The following YPEL4 variants were observed in gnomAD, a reference collection of about 807,000 sequenced individuals.
The protein encoded by YPEL4 is yippee like 4, also known as protein yippee-like 4.
YPEL4 carries 5 observed loss-of-function variants against 16.3 expected under a neutral mutation model. The observed-to-expected ratio is 0.31, with a 90% CI of 0.16 to 0.64. YPEL4 has a LOEUF of 0.64. YPEL4 is among the 30% of genes least tolerant of loss of function. YPEL4 has a pLI of 0.79. For missense variants in YPEL4, 127 were observed against 170.0 expected, an observed-to-expected ratio of 0.75 and a Z score of 1.41; for synonymous variants, 61 against 60.7, an observed-to-expected ratio of 1.00 and a Z score of -0.02.
rs1436218526 is a variant in YPEL4, at chr11:57,649,734, ATC to A, written c.-236_-235del. ...CGTCTATCTCTCTCTCTCTCTCTCA[ATC>A]TCTCAATCTCTCTGCTCACTCTTCT... On this transcript the variant is annotated 5_prime_UTR_variant, in exon 1 of 5. Coordinates refer to ENST00000300022, the MANE Select transcript of YPEL4 (RefSeq NM_145008.3). 1.4e-5 allele frequency: 2 copies of A among 138,190 alleles called. No individual in the cohort carries two copies. The highest frequency in any genetic ancestry group is 3.1e-5 in the Non-Finnish European group (2 of 65,318). 8.6% of individuals were successfully genotyped at this position (138,190 alleles called of 1,614,324 possible). A position where few individuals can be genotyped will look rare whatever the true frequency, so the allele number is the denominator to read the frequency against.
At position 57,647,414 on chromosome 11, in the gene YPEL4, C is replaced by A. The variant is rs888869641; in HGVS notation, c.-184-123G>T. The stretch of plus-strand genomic sequence containing the variant: ...CTTTCCCCATCACCATCGACCCCCC[C>A]ACAGCATCCAGTTGCATTGTCGCCC... On this transcript the variant is annotated intron_variant, in intron 1 of 4. Transcript: ENST00000300022. The surrounding 1 kb of genome is among the most constrained non-coding windows in gnomAD (Gnocchi z 4.2). 3.9e-6 allele frequency: 1 copy of A among 259,244 alleles called. No homozygotes were observed. The highest frequency in any genetic ancestry group is 5.4e-5 in the Admixed American group (1 of 18,582). The allele number at this position is 259,244 out of a possible 1,614,324, so 16.1% of individuals were successfully genotyped here. A position where few individuals can be genotyped will look rare whatever the true frequency, so the allele number is the denominator to read the frequency against.
chr11:57,646,984 C>T lies in YPEL4; in HGVS notation c.124G>A (p.Asp42Asn), dbSNP rs1315879143. 3 of 1,581,906 alleles carry T rather than the reference C, an allele frequency of 1.9e-6. No homozygotes were observed. The highest frequency in any genetic ancestry group is 1.9e-5 in the Admixed American group (1 of 53,880). The change falls in exon 2 of 5, where the codon GAT becomes AAT. Residue 42 changes from aspartate (D) to asparagine (N), a missense_variant. Physicochemically the swap from Asp to Asn is conservative, Grantham distance 23 (BLOSUM62 1). Coordinates refer to ENST00000300022, the MANE Select transcript of YPEL4 (RefSeq NM_145008.3). ...TCGCGTACCTTGGAAATAAGCTCAT[C>T]GTGTTTGGCCAGGTGTGCACGGCAG... Reference protein sequence around the residue: ...VHCRAHLAKHDELISKSFQGS... With the variant: ...VHCRAHLAKHNELISKSFQGS...
In YPEL4 at chr11:57,647,173, G is replaced by C; in HGVS notation, c.-66C>G. On this transcript the variant is annotated 5_prime_UTR_variant, in exon 2 of 5. Coordinates refer to ENST00000300022, the MANE Select transcript of YPEL4 (RefSeq NM_145008.3). This position sits in a 1 kb window ranked among gnomAD's most constrained non-coding sequence, Gnocchi z 4.2. ...GGCGCCGTGCAGCCCCCGCAGAGACGGTCGCAGGTGAAGCAGCGGAGCAGG... is the reference window on the plus strand; with the variant it reads ...GGCGCCGTGCAGCCCCCGCAGAGACCGTCGCAGGTGAAGCAGCGGAGCAGG... 2 of 1,481,374 alleles carry C rather than the reference G, an allele frequency of 1.4e-6. No homozygotes were observed. The highest frequency in any genetic ancestry group is 1.8e-6 in the Non-Finnish European group (2 of 1,116,740). 91.8% of individuals were successfully genotyped at this position (1,481,374 alleles called of 1,614,324 possible). A position where few individuals can be genotyped will look rare whatever the true frequency, so the allele number is the denominator to read the frequency against.
Position 57,647,335 on chromosome 11 carries a change from A to T in YPEL4, c.-184-44T>A. On this transcript the variant is annotated intron_variant, in intron 1 of 4. Coordinates refer to ENST00000300022, the MANE Select transcript of YPEL4 (RefSeq NM_145008.3). This position sits in a 1 kb window ranked among gnomAD's most constrained non-coding sequence, Gnocchi z 4.2. ...ACATCAGGGGAGCTGCGACCTCAGG[A>T]GGACCCCTCCTGAGGGAATGGAGGA... is the stretch of plus-strand genomic sequence containing the variant. The T allele has an allele frequency of 2.0e-6, 1 of 506,262 alleles. No homozygotes were observed. Among genetic ancestry groups the T allele is most frequent in the South Asian group, 3.7e-5 (1 of 27,304 alleles). The allele number at this position is 506,262 out of a possible 1,614,324, so 31.4% of individuals were successfully genotyped here.
At chr11:57,646,509 C>T in intron 3 of YPEL4, 104 bp from the exon 4 acceptor site, 2 of 1,379,282 alleles carry the variant, frequency 1.5e-6, no homozygotes, top group Non-Finnish European at 2.0e-6. Flanking sequence ...ACTGGACAGC[C>T]CCTGCCTTTG....
In YPEL4 at chr11:57,645,980, C is replaced by T. The variant is rs368098702; in HGVS notation, c.*1G>A. The stretch of plus-strand genomic sequence containing the variant: ...GGAAGGGCACACCCTGCCTGAGCCC[C>T]TCAGTCCCAGCCGTTGTCCTTCACC... On this transcript the variant is annotated 3_prime_UTR_variant, in exon 5 of 5. Coordinates refer to ENST00000300022, the MANE Select transcript of YPEL4 (RefSeq NM_145008.3). 4 of 1,613,878 alleles carry T rather than the reference C, an allele frequency of 2.5e-6. No individual in the cohort carries two copies. The highest frequency in any genetic ancestry group is 2.7e-5 in the African/African-American group (2 of 74,930).
chr11:57,646,901 CTGGGT>C, intron 2 of YPEL4, 61 bp downstream of exon 2: 1 of 1,584,862 alleles, frequency 6.3e-7, no homozygotes, highest in South Asian at 1.1e-5. Context: ...TGCCTCACCC[CTGGGT>C]GATGTTCAGG....
At chr11:57,648,002 C>T (rs1238304070) in intron 1 of YPEL4, 6 of 152,190 alleles carry the variant, frequency 3.9e-5, no homozygotes, top group Non-Finnish European at 5.9e-5. Flanking sequence ...CCTGTGGGCC[C>T]CTTGGTCTTT....
chr11:57,647,042 C>T lies in YPEL4; in HGVS notation c.66G>A (p.Leu22=), dbSNP rs1484496221. The T allele has an allele frequency of 1.5e-5, 24 of 1,598,076 alleles. No individual in the cohort carries two copies. The highest frequency in any genetic ancestry group is 1.7e-5 in the Non-Finnish European group (20 of 1,173,702). Residue 22 remains leucine, a synonymous_variant, in exon 2 of 5, where the codon CTG becomes CTA. Coordinates refer to ENST00000300022, the MANE Select transcript of YPEL4 (RefSeq NM_145008.3). The surrounding 1 kb of genome is among the most constrained non-coding windows in gnomAD (Gnocchi z 4.2). The stretch of plus-strand genomic sequence containing the variant: ...AGCTGTAAGTGCGGTGACAGCGGGG[C>T]AGATAGCTGCGGAAAGTCTTGGTGG... ...CLPTKTFRSY[L]PRCHRTYSCV...
rs767553545 is a variant in YPEL4, at chr11:57,645,909, G to A, written c.*72C>T. On this transcript the variant is annotated 3_prime_UTR_variant, in exon 5 of 5. Coordinates refer to ENST00000300022, the MANE Select transcript of YPEL4 (RefSeq NM_145008.3). ...CCAGGGGTGGGGCAGTACTCATGCT[G>A]GTATAGACTGCTTGGCAGGGCCGTG... 2.7e-6 allele frequency: 4 copies of A among 1,507,774 alleles called. No individual in the cohort carries two copies. In the South Asian group the frequency reaches 4.6e-5, roughly 17 times the overall value. 93.4% of individuals were successfully genotyped at this position (1,507,774 alleles called of 1,614,324 possible).
chr11:57,646,434 AC>A, intron 3 of YPEL4, 29 bp from the exon 4 acceptor site: 1 of 1,613,058 alleles, frequency 6.2e-7, no homozygotes, highest in Non-Finnish European at 8.5e-7. Context: ...AGGACCCAGC[AC>A]CCAGTGGGGT....
At position 57,645,737 on chromosome 11, in the gene YPEL4, C is replaced by T; in HGVS notation, c.*244G>A. The stretch of plus-strand genomic sequence containing the variant: ...TGGGAACAGAAAGACCCACAACCAT[C>T]CCTTTCCCCCAGTTCTGTCTCTCCC... On this transcript the variant is annotated 3_prime_UTR_variant, in exon 5 of 5. Coordinates refer to ENST00000300022, the MANE Select transcript of YPEL4 (RefSeq NM_145008.3). 2 of 523,466 alleles carry T rather than the reference C, an allele frequency of 3.8e-6. No individual in the cohort carries two copies. The highest frequency in any genetic ancestry group is 6.8e-6 in the Non-Finnish European group (2 of 294,256). 32.4% of individuals were successfully genotyped at this position (523,466 alleles called of 1,614,324 possible).
chr11:57,646,105 G>A, intron 4 of YPEL4, 35 bp from the exon 5 acceptor site: 7 of 1,612,668 alleles, frequency 4.3e-6, no homozygotes, highest in African/African-American at 1.3e-5. Context: ...GTAGGACAAA[G>A]CAGTTTCCTT....
chr11:57,645,702 T>C lies in YPEL4; in HGVS notation c.*279A>G. 1 of 454,296 alleles carries C rather than the reference T, an allele frequency of 2.2e-6. No homozygotes were observed. The highest frequency in any genetic ancestry group is 4.0e-6 in the Non-Finnish European group (1 of 252,844). 28.1% of individuals were successfully genotyped at this position (454,296 alleles called of 1,614,324 possible). A position where few individuals can be genotyped will look rare whatever the true frequency, so the allele number is the denominator to read the frequency against. On this transcript the variant is annotated 3_prime_UTR_variant, in exon 5 of 5. Coordinates refer to ENST00000300022, the MANE Select transcript of YPEL4 (RefSeq NM_145008.3). Reference sequence around the variant, plus strand: ...TCTATGCCCTGCCATCGCTTCCATGTTCAGGATCTTGGGAACAGAAAGACC... The same window carrying C: ...TCTATGCCCTGCCATCGCTTCCATGCTCAGGATCTTGGGAACAGAAAGACC...
rs908467694 is a variant in YPEL4, at chr11:57,645,730, C to T, written c.*251G>A. 3 of 515,694 alleles carry T rather than the reference C, an allele frequency of 5.8e-6. No individual in the cohort carries two copies. Among genetic ancestry groups the T allele is most frequent in the African/African-American group, 5.7e-5 (3 of 52,556 alleles). 31.9% of individuals were successfully genotyped at this position (515,694 alleles called of 1,614,324 possible). A position where few individuals can be genotyped will look rare whatever the true frequency, so the allele number is the denominator to read the frequency against. The stretch of plus-strand genomic sequence containing the variant: ...AGGATCTTGGGAACAGAAAGACCCA[C>T]AACCATCCCTTTCCCCCAGTTCTGT... On this transcript the variant is annotated 3_prime_UTR_variant, in exon 5 of 5. Coordinates refer to ENST00000300022, the MANE Select transcript of YPEL4 (RefSeq NM_145008.3).
intron 1 of YPEL4, chr11:57,649,167 G>C (rs1945763395): frequency 1.3e-5 from 2 of 152,320 alleles, no homozygotes; most frequent in Non-Finnish European, 1.5e-5. Flanking sequence ...AGTGAGACGG[G>C]GCTGGACCGT....
Position 57,646,767 on chromosome 11 carries a change from AGGCTC to A in YPEL4, c.164_168del (p.Arg55LeufsTer4). The A allele has an allele frequency of 6.2e-7, 1 of 1,614,028 alleles. No homozygotes were observed. Among genetic ancestry groups the A allele is most frequent in the Non-Finnish European group, 8.5e-7 (1 of 1,179,982 alleles). On this transcript the variant is annotated frameshift_variant, in exon 3 of 5. Transcript: ENST00000300022. LOFTEE classifies it high-confidence loss of function. ...TAGACTCACACGGAGTTAAACAGGTAGGCTCGGCCATGGCTCCCTTGGAAGGACTG... is the reference window on the plus strand; with the variant it reads ...TAGACTCACACGGAGTTAAACAGGTAGGCCATGGCTCCCTTGGAAGGACTG...
At chr11:57,648,463 C>T (rs894731186) in intron 1 of YPEL4, 8 of 152,298 alleles carry the variant, frequency 5.3e-5, no homozygotes, top group African/African-American at 1.2e-4. Flanking sequence ...CTGCTGCTTT[C>T]TCCTTCATAG....
Position 57,645,621 on chromosome 11 carries a change from C to A in YPEL4, c.*360G>T. ...TGTGACCCAAGGTTTGTCCTCTGTT[C>A]ACTCAAAAAGAGGTGGAGCAAAAAC... On this transcript the variant is annotated 3_prime_UTR_variant, in exon 5 of 5. Transcript: ENST00000300022. 4.1e-6 allele frequency: 1 copy of A among 245,672 alleles called. No homozygotes were observed. Among genetic ancestry groups the A allele is most frequent in the Non-Finnish European group, 8.0e-6 (1 of 125,728 alleles). The allele number at this position is 245,672 out of a possible 1,614,324, so 15.2% of individuals were successfully genotyped here. A position where few individuals can be genotyped will look rare whatever the true frequency, so the allele number is the denominator to read the frequency against.
Sources: gnomAD v4.1 joint callset for allele counts on GRCh38, gnomAD v4.1.1 for gene constraint, Gnocchi (gnomAD v3.1) non-coding constraint, MANE v1.5 for transcripts, NCBI Gene and HGNC (gene_info 2026-07-23, HGNC 2026-07-21) for gene names.